NTNG1: variants seen among roughly 807,000 people sequenced by gnomAD.
NTNG1 encodes netrin G1.
NTNG1 carries 16 observed loss-of-function variants against 54.0 expected under a neutral mutation model. The observed-to-expected ratio is 0.30, with a 90% CI of 0.20 to 0.45. NTNG1 has a LOEUF of 0.45. Ranked by LOEUF, NTNG1 falls within the 20% of genes least tolerant of loss-of-function variation. The pLI is 1.00. For synonymous variants in NTNG1, 255 were observed against 263.1 expected (o/e 0.97, Z 0.30); for missense variants, 530 against 678.7 (o/e 0.78, Z 2.43).
chr1:107,309,225 GAGTCACCAAC>G (rs1274435618), intron 2 of NTNG1, among the ~76,000 whole-genome samples: 1 of 152,134 alleles, frequency 6.6e-6, no homozygotes, highest in Non-Finnish European at 1.5e-5. Context: ...AGTGGAAATA[GAGTCACCAAC>G]TCTAGGCCAG....
intron 3 of NTNG1, among the ~76,000 whole-genome samples, chr1:107,344,124 G>A (rs1415004523): frequency 1.3e-5 from 2 of 151,868 alleles, no homozygotes; most frequent in Non-Finnish European, 2.9e-5. Flanking sequence ...TTCCCAGAAC[G>A]CCACTTTAAT....
chr1:107,430,185 G>A (rs1570944249), intron 5 of NTNG1, among the ~76,000 whole-genome samples: 1 of 152,160 alleles, frequency 6.6e-6, no homozygotes, highest in East Asian at 1.9e-4. Context: ...TAGCATTGGG[G>A]AAAAACAAAA....
chr1:107,474,620 C>A (rs1678194215), intron 7 of NTNG1, among the ~76,000 whole-genome samples: 1 of 152,172 alleles, frequency 6.6e-6, no homozygotes, highest in Non-Finnish European at 1.5e-5. Flanking sequence ...AGAAGTTTAT[C>A]AACTCACAAT....
At chr1:107,368,920 C>T (rs562208883) in intron 3 of NTNG1, among the ~76,000 whole-genome samples, 189 of 152,312 alleles carry the variant, frequency 1.2e-3, no homozygotes, top group African/African-American at 4.3e-3. Context: ...GAAGCCATCA[C>T]CACAAGCTAA....
At chr1:107,435,030 AT>A (rs974686599) in intron 6 of NTNG1, among the ~76,000 whole-genome samples, 7 of 152,098 alleles carry the variant, frequency 4.6e-5, no homozygotes, top group African/African-American at 1.7e-4. Context: ...TTTTGTTTAC[AT>A]TTTTTGCCTC....
At chr1:107,194,773 A>G (rs914538961) in intron 2 of NTNG1, among the ~76,000 whole-genome samples, 19 of 152,130 alleles carry the variant, frequency 1.2e-4, no homozygotes, top group African/African-American at 4.6e-4. Context: ...ACTTCCTATT[A>G]GTTTTGTCTT....
chr1:107,345,333 C>T (rs1669152364), intron 3 of NTNG1, among the ~76,000 whole-genome samples: 1 of 152,144 alleles, frequency 6.6e-6, no homozygotes, highest in South Asian at 2.1e-4. Context: ...TTAGCTAATA[C>T]TCAGAATAAC....
intron 2 of NTNG1, among the ~76,000 whole-genome samples, chr1:107,250,908 C>T (rs545788321): frequency 1.8e-4 from 27 of 152,338 alleles, no homozygotes; most frequent in African/African-American, 6.0e-4. Flanking sequence ...TTTACCACCA[C>T]TGGCAAATTT....
intron 5 of NTNG1, among the ~76,000 whole-genome samples, chr1:107,429,424 CTCA>C (rs1211867672): frequency 6.6e-6 from 1 of 152,046 alleles, no homozygotes; most frequent in Non-Finnish European, 1.5e-5. Context: ...TTTTACTCTA[CTCA>C]TCAAAATATA....
At chr1:107,265,449 T>A (rs1412457862) in intron 2 of NTNG1, among the ~76,000 whole-genome samples, 2 of 152,032 alleles carry the variant, frequency 1.3e-5, no homozygotes, top group East Asian at 3.9e-4. Flanking sequence ...TGAAAGGGAG[T>A]CAACTAATAG....
At chr1:107,378,556 G>A (rs907509888) in intron 3 of NTNG1, among the ~76,000 whole-genome samples, 7 of 152,146 alleles carry the variant, frequency 4.6e-5, no homozygotes, top group East Asian at 1.9e-4. Flanking sequence ...TCACAGCCAC[G>A]GGAGCTGGGA....
intron 2 of NTNG1, among the ~76,000 whole-genome samples, chr1:107,172,314 A>G (rs1273406658): frequency 6.6e-6 from 1 of 152,164 alleles, no homozygotes; most frequent in Non-Finnish European, 1.5e-5. Flanking sequence ...ACCTTAGCAT[A>G]AATTATTAAC....
rs182457749 is a variant in NTNG1 at position 107,429,576 on chromosome 1, T to A, written c.1088-1174T>A. 1.6e-3 allele frequency among the ~76,000 whole-genome samples: 239 copies of A among 148,834 alleles called. 2 individuals carry two copies. Among genetic ancestry groups the A allele is most frequent in the African/African-American group, 5.5e-3 (229 of 41,272 alleles). Reference sequence around the variant, plus strand: ...TGAATGAATGTGTTCAAATAATGACTGTGCTTGGCTTTCTAGTGGGATAAA... The same window carrying A: ...TGAATGAATGTGTTCAAATAATGACAGTGCTTGGCTTTCTAGTGGGATAAA... On this transcript the variant is annotated intron_variant, in intron 5 of 7. Transcript: ENST00000370068.
At chr1:107,272,802 T>G (rs981053987) in intron 2 of NTNG1, among the ~76,000 whole-genome samples, 6 of 152,230 alleles carry the variant, frequency 3.9e-5, no homozygotes, top group Admixed American at 6.5e-5. Flanking sequence ...ACATTTGGCC[T>G]TCATTAGTGT....
chr1:107,230,747 C>A (rs1458212913), intron 2 of NTNG1, among the ~76,000 whole-genome samples: 1 of 151,846 alleles, frequency 6.6e-6, no homozygotes, highest in Non-Finnish European at 1.5e-5. Context: ...ACAAGTTATT[C>A]TTAGGTCTGC....
intron 2 of NTNG1, among the ~76,000 whole-genome samples, chr1:107,293,928 C>A (rs1665783319): frequency 6.6e-6 from 1 of 151,926 alleles, no homozygotes; most frequent in African/African-American, 2.4e-5. Flanking sequence ...TCTTTACTTT[C>A]ATGATTTTTT....
At chr1:107,421,184 T>C (rs1392861348) in intron 5 of NTNG1, 11 of 1,396,760 alleles carry the variant, frequency 7.9e-6, no homozygotes, top group African/African-American at 1.4e-5. Flanking sequence ...CATGGTGTTA[T>C]GTGTTGTGAA....
intron 7 of NTNG1, among the ~76,000 whole-genome samples, chr1:107,464,417 A>G (rs679817): frequency 0.97 from 147,818 of 152,206 alleles, 71,926 homozygotes; most frequent in East Asian, 1. Flanking sequence ...TTGGGGCCCC[A>G]GGTGTAAAAA....
At position 107,280,240 on chromosome 1, in the gene NTNG1, GA is replaced by G. The variant is rs1664756357; in HGVS notation, c.247-44039del. On this transcript the variant is annotated intron_variant, in intron 2 of 7. Transcript: ENST00000370068. The stretch of plus-strand genomic sequence containing the variant: ...AGGTTAATTTACTTCTTTAGCTGTG[GA>G]AATTTTTCTTTTTTATTTCTGACAA... Among the ~76,000 whole-genome samples the G allele has an allele frequency of 7.0e-5, 9 of 127,768 alleles. No individual in the cohort carries two copies. The South Asian group carries it at 2.2e-3, about 31-fold the overall frequency. The allele number at this position is 127,768 out of a possible 152,430, so 83.8% of individuals were successfully genotyped here.
Sources: gnomAD v4.1 joint callset for allele counts (sites outside exome capture counted in the v4.1 genomes callset) on GRCh38, gnomAD v4.1.1 for gene constraint, MANE v1.5 for transcripts, NCBI Gene and HGNC (gene_info 2026-07-23, HGNC 2026-07-21) for gene names.